The following CNTN3 variants were observed in gnomAD, a reference collection of about 807,000 sequenced individuals.
The protein encoded by CNTN3 is contactin 3, also known as contactin-3.
A neutral mutation model predicts 119.1 loss-of-function variants in CNTN3; 60 were observed. The observed-to-expected ratio is 0.50, with a 90% CI of 0.41 to 0.62. CNTN3 has a LOEUF of 0.62. Among genes scored for constraint, CNTN3 ranks in the 20% least tolerant of loss-of-function variants. The pLI, the probability that CNTN3 is intolerant of heterozygous loss-of-function variation, is 0.00. For missense variants in CNTN3, 1,101 were observed against 1,242.4 expected (o/e 0.89, Z 1.71); for synonymous variants, 450 against 438.7 (o/e 1.03, Z -0.32).
intron 5 of CNTN3, among the ~76,000 whole-genome samples, chr3:74,407,802 C>A (rs894684239): frequency 1.3e-5 from 2 of 152,088 alleles, no homozygotes; most frequent in Non-Finnish European, 2.9e-5. Flanking sequence ...AAAAGACTGA[C>A]AAATACATAC....
chr3:74,590,180 C>T (rs1704677313), intron 1 of CNTN3, among the ~76,000 whole-genome samples: 1 of 151,738 alleles, frequency 6.6e-6, no homozygotes, highest in Non-Finnish European at 1.5e-5. Context: ...CACTCAGTTA[C>T]ATCTATCCTG....
chr3:74,290,940 T>A (rs920046758), intron 19 of CNTN3, among the ~76,000 whole-genome samples: 1 of 152,142 alleles, frequency 6.6e-6, no homozygotes, highest in Non-Finnish European at 1.5e-5. Context: ...AGGGTACATG[T>A]GAACAATGTG....
chr3:74,594,289 TTAC>T (rs377552906), intron 1 of CNTN3, among the ~76,000 whole-genome samples: 3,183 of 147,410 alleles, frequency 0.022, 62 homozygotes, highest in South Asian at 0.11. Flanking sequence ...TTTTTTTTTT[TTAC>T]TTTTTTTTTA....
rs1325264751 is a variant in CNTN3 at position 74,263,918 on chromosome 3, C to T, written c.*483G>A. 1 of 152,106 alleles carries T rather than the reference C, an allele frequency of 6.6e-6. No homozygotes were observed. The highest frequency in any genetic ancestry group is 2.4e-5 in the African/African-American group (1 of 41,416). The allele number at this position is 152,106 out of a possible 1,614,324, so 9.4% of individuals were successfully genotyped here. A position where few individuals can be genotyped will look rare whatever the true frequency, so the allele number is the denominator to read the frequency against. ...AACAATGCTCTTTTGAATCACATGC[C>T]ACTCCTCTCCAACAAAATAATTTTT... On this transcript the variant is annotated 3_prime_UTR_variant, in exon 23 of 23. Transcript: ENST00000263665.
chr3:74,363,437 G>A (rs1374535187), intron 10 of CNTN3, among the ~76,000 whole-genome samples: 2 of 151,994 alleles, frequency 1.3e-5, no homozygotes, highest in Admixed American at 6.6e-5. Flanking sequence ...CCACACACTG[G>A]TCCTCTACCT....
intron 1 of CNTN3, among the ~76,000 whole-genome samples, chr3:74,532,656 G>A (rs1420809197): frequency 6.6e-6 from 1 of 151,914 alleles, no homozygotes; most frequent in Non-Finnish European, 1.5e-5. Flanking sequence ...CAATTCCTCA[G>A]CCAGGAAATA....
At chr3:74,549,463 T>C (rs1334329318) in intron 1 of CNTN3, among the ~76,000 whole-genome samples, 2 of 152,086 alleles carry the variant, frequency 1.3e-5, no homozygotes, top group African/African-American at 2.4e-5. Flanking sequence ...ATGAGCAACA[T>C]AGGGCAAGTA....
intron 13 of CNTN3, among the ~76,000 whole-genome samples, chr3:74,311,289 TCA>T (rs1702679390): frequency 6.6e-6 from 1 of 152,146 alleles, no homozygotes; most frequent in African/African-American, 2.4e-5. Context: ...ATTTTTCATC[TCA>T]AAGTCATATT....
chr3:74,355,605 C>T (rs1236780101), intron 11 of CNTN3, among the ~76,000 whole-genome samples: 1 of 151,954 alleles, frequency 6.6e-6, no homozygotes, highest in Non-Finnish European at 1.5e-5. Context: ...CAGAAGTGTG[C>T]CACCATGCCT....
intron 13 of CNTN3, among the ~76,000 whole-genome samples, chr3:74,319,247 G>A (rs947363957): frequency 2.8e-4 from 42 of 152,206 alleles, no homozygotes; most frequent in Non-Finnish European, 4.6e-4. Context: ...GAGGCATCAC[G>A]CTACCTGACT....
chr3:74,504,900 C>T (rs1703226765), intron 2 of CNTN3, among the ~76,000 whole-genome samples: 1 of 152,078 alleles, frequency 6.6e-6, no homozygotes, highest in Non-Finnish European at 1.5e-5. Context: ...GACTGGGTGG[C>T]TTCCAAAACA....
chr3:74,502,699 C>T (rs1703186717), intron 2 of CNTN3, among the ~76,000 whole-genome samples: 1 of 152,074 alleles, frequency 6.6e-6, no homozygotes, highest in Non-Finnish European at 1.5e-5. Context: ...TCCTTGTGTT[C>T]TGGTTTCTTT....
chr3:74,415,851 C>T (rs2106879210), intron 5 of CNTN3, among the ~76,000 whole-genome samples: 1 of 152,300 alleles, frequency 6.6e-6, no homozygotes. Context: ...CTGTTCCAAA[C>T]TCTCAAATTC....
intron 5 of CNTN3, among the ~76,000 whole-genome samples, chr3:74,419,529 T>C (rs915868470): frequency 5.3e-5 from 8 of 152,222 alleles, no homozygotes; most frequent in Non-Finnish European, 1.0e-4. Context: ...TCAGCCTCCA[T>C]TACCTGCTGT....
rs1704606798 is a variant in CNTN3, at chr3:74,587,141, A to C, written c.-81+27250T>G. On this transcript the variant is annotated intron_variant, in intron 1 of 22. Transcript: ENST00000263665. ...TTCCATGGAGGGGAAAAAAAGCAAT[A>C]AAAGCATAAGAGTAATGTAATGTGG... 2.0e-5 allele frequency among the ~76,000 whole-genome samples: 3 copies of C among 152,218 alleles called. No individual in the cohort carries two copies. In the South Asian group the frequency reaches 6.2e-4, roughly 32 times the overall value.
At chr3:74,391,031 C>A (rs1186467537) in intron 5 of CNTN3, among the ~76,000 whole-genome samples, 1 of 152,138 alleles carries the variant, frequency 6.6e-6, no homozygotes, top group African/African-American at 2.4e-5. Flanking sequence ...GAATTAAACA[C>A]ATAATAGCTT....
At chr3:74,445,902 T>G (rs906856597) in intron 4 of CNTN3, among the ~76,000 whole-genome samples, 1 of 152,192 alleles carries the variant, frequency 6.6e-6, no homozygotes, top group Non-Finnish European at 1.5e-5. Flanking sequence ...ACTTCACAGG[T>G]TGTGCACTGC....
At chr3:74,284,725 A>T (rs908993848) in intron 20 of CNTN3, among the ~76,000 whole-genome samples, 1 of 152,212 alleles carries the variant, frequency 6.6e-6, no homozygotes, top group African/African-American at 2.4e-5. Flanking sequence ...ATATAATTGT[A>T]ACTCATGATT....
intron 4 of CNTN3, among the ~76,000 whole-genome samples, chr3:74,444,543 C>A (rs1205200686): frequency 1.4e-5 from 2 of 148,004 alleles, no homozygotes; most frequent in African/African-American, 4.9e-5. Flanking sequence ...TTATAAGTTT[C>A]TAGGTCATGA....
Sources: allele counts gnomAD v4.1 joint callset (sites outside exome capture counted in the v4.1 genomes callset), GRCh38; gene constraint gnomAD v4.1.1; transcripts MANE v1.5; gene names NCBI Gene and HGNC (gene_info 2026-07-23, HGNC 2026-07-21).